The following LOC122539214 variants were observed in gnomAD, a reference collection of about 807,000 sequenced individuals.
chr19:52,677,151 A>C, the LOC122539214 span, among the ~76,000 whole-genome samples: 8 of 151,830 alleles, frequency 5.3e-5, no homozygotes, highest in Middle Eastern at 3.4e-3. Flanking sequence ...AAAGAAAAAA[A>C]AATAAAGGAA....
the LOC122539214 span, among the ~76,000 whole-genome samples, chr19:52,680,492 A>G: frequency 6.6e-6 from 1 of 152,194 alleles, no homozygotes; most frequent in Non-Finnish European, 1.5e-5. Context: ...CAAAATGAGA[A>G]AAGAGAAAAT....
At chr19:52,676,281 T>A in the LOC122539214 span, among the ~76,000 whole-genome samples, 1 of 152,334 alleles carries the variant, frequency 6.6e-6, no homozygotes, top group South Asian at 2.1e-4. Flanking sequence ...GTTCACTCAG[T>A]GCTCAATGGT....
chr19:52,681,565 C>G, the LOC122539214 span, among the ~76,000 whole-genome samples: 1 of 152,168 alleles, frequency 6.6e-6, no homozygotes, highest in South Asian at 2.1e-4. Context: ...AACATACTGT[C>G]CCATGAAGAA....
chr19:52,678,319 A>G, the LOC122539214 span, among the ~76,000 whole-genome samples: 422 of 151,394 alleles, frequency 2.8e-3, 3 homozygotes, highest in African/African-American at 9.8e-3. Flanking sequence ...GCATGGTGGC[A>G]GGCGCCTATA....
chr19:52,660,256 G>A, the LOC122539214 span, among the ~76,000 whole-genome samples: 1 of 152,138 alleles, frequency 6.6e-6, no homozygotes, highest in African/African-American at 2.4e-5. Flanking sequence ...ATCTAAAAGA[G>A]GAAATGGCAA....
At chr19:52,663,774 T>G in the LOC122539214 span, among the ~76,000 whole-genome samples, 1 of 152,040 alleles carries the variant, frequency 6.6e-6, no homozygotes, top group African/African-American at 2.4e-5. Context: ...AATATACATC[T>G]AATGAAATGT....
At chr19:52,676,501 T>A in the LOC122539214 span, among the ~76,000 whole-genome samples, 3 of 148,288 alleles carry the variant, frequency 2.0e-5, 1 homozygote, top group East Asian at 6.1e-4. Context: ...GGGAGGGAGG[T>A]GGGGGGCAGC....
At chr19:52,656,008 C>G in the LOC122539214 span, among the ~76,000 whole-genome samples, 10 of 151,632 alleles carry the variant, frequency 6.6e-5, no homozygotes, top group Non-Finnish European at 1.3e-4. Flanking sequence ...CTCAGGAGTT[C>G]GAGACCACCC....
chr19:52,664,530 C>T, the LOC122539214 span, among the ~76,000 whole-genome samples: 1 of 152,070 alleles, frequency 6.6e-6, no homozygotes, highest in Non-Finnish European at 1.5e-5. Context: ...ACCACTGGGT[C>T]CTGGGTCTAG....
chr19:52,670,117 T>C, the LOC122539214 span, among the ~76,000 whole-genome samples: 1 of 151,842 alleles, frequency 6.6e-6, no homozygotes, highest in African/African-American at 2.4e-5. Context: ...TCCAATCACC[T>C]GCTCCACCTT....
chr19:52,676,332 A>G, the LOC122539214 span, among the ~76,000 whole-genome samples: 1 of 151,970 alleles, frequency 6.6e-6, no homozygotes, highest in South Asian at 2.1e-4. Flanking sequence ...GGCTCACTAC[A>G]ACCTCCACCT....
the LOC122539214 span, among the ~76,000 whole-genome samples, chr19:52,689,678 C>T: frequency 2.6e-5 from 4 of 152,064 alleles, no homozygotes; most frequent in African/African-American, 7.3e-5. Context: ...AATCCCTCAC[C>T]CATCCTCTAC....
the LOC122539214 span, among the ~76,000 whole-genome samples, chr19:52,683,228 CTGTGTGTG>C: frequency 0.023 from 2,923 of 127,954 alleles, 36 homozygotes; most frequent in Non-Finnish European, 0.031. Context: ...CCCTGTGACT[CTGTGTGTG>C]TGTGTGTGTG....
chr19:52,675,681 C>T, the LOC122539214 span, among the ~76,000 whole-genome samples: 2 of 151,960 alleles, frequency 1.3e-5, no homozygotes, highest in Non-Finnish European at 2.9e-5. Context: ...GATCAATGTA[C>T]CATGTGATGC....
chr19:52,653,133 C>T, the LOC122539214 span: 3 of 1,467,692 alleles, frequency 2.0e-6, no homozygotes, highest in Non-Finnish European at 2.8e-6. Context: ...TCTTGCCACA[C>T]TCATGACAGT....
At chr19:52,673,284 C>A in the LOC122539214 span, among the ~76,000 whole-genome samples, 1 of 152,144 alleles carries the variant, frequency 6.6e-6, no homozygotes, top group Non-Finnish European at 1.5e-5. Flanking sequence ...ATGGGTGGAT[C>A]CCCTGAGGTC....
At chr19:52,681,733 C>T in the LOC122539214 span, among the ~76,000 whole-genome samples, 355 of 152,342 alleles carry the variant, frequency 2.3e-3, 1 homozygote, top group Non-Finnish European at 4.5e-3. Flanking sequence ...ACTAAACTGA[C>T]ACAGGTTTAT....
the LOC122539214 span, among the ~76,000 whole-genome samples, chr19:52,678,678 T>G: frequency 6.6e-6 from 1 of 151,912 alleles, no homozygotes; most frequent in African/African-American, 2.4e-5. Flanking sequence ...AAATGTTTCA[T>G]CAAAAATATC....
the LOC122539214 span, among the ~76,000 whole-genome samples, chr19:52,663,950 G>C: frequency 6.6e-6 from 1 of 152,162 alleles, no homozygotes; most frequent in Admixed American, 6.5e-5. Context: ...GCAGTTATGC[G>C]ATCTCGGCTC....
Sources: allele counts gnomAD v4.1 joint callset (sites outside exome capture counted in the v4.1 genomes callset), GRCh38; gene constraint gnomAD v4.1.1; transcripts MANE v1.5.